Variants in TOX2 observed in about 807,000 individuals in gnomAD.
The protein encoded by TOX2 is TOX high mobility group box family member 2.
TOX2 carries 15 observed loss-of-function variants against 47.4 expected under a neutral mutation model. The ratio of observed to expected loss-of-function variants is 0.32; its 90% CI spans 0.21 to 0.49. TOX2 has a LOEUF of 0.49. TOX2 is among the 20% of genes least tolerant of loss of function. The pLI is 0.99. For synonymous variants in TOX2, 290 were observed against 296.6 expected (o/e 0.98, Z 0.23); for missense variants, 622 against 673.1 (o/e 0.92, Z 0.84).
chr20:44,032,692 G>T (rs2071175049), intron 3 of TOX2, among the ~76,000 whole-genome samples: 1 of 152,168 alleles, frequency 6.6e-6, no homozygotes, highest in South Asian at 2.1e-4. Context: ...TATTGCAGAG[G>T]TGGGGAGCAC....
intron 3 of TOX2, among the ~76,000 whole-genome samples, chr20:44,050,836 AAG>A (rs2071496663): frequency 6.6e-6 from 1 of 152,188 alleles, no homozygotes; most frequent in Non-Finnish European, 1.5e-5. Flanking sequence ...CTGAGGCACA[AAG>A]AGGTTAGGTA....
In TOX2 at chr20:43,958,430, C is replaced by A. The variant is rs143807101; in HGVS notation, c.100-14937C>A. ...CCCCAGCACACATACCGGTTTTCCC[C>A]CAACCTGGCTGCCCAGCCTTTGCTC... is the stretch of plus-strand genomic sequence containing the variant. On this transcript the variant is annotated intron_variant, in intron 1 of 8. Transcript: ENST00000341197. 3.4e-3 allele frequency among the ~76,000 whole-genome samples: 525 copies of A among 152,356 alleles called. 4 individuals are homozygous for A. Among genetic ancestry groups the A allele is most frequent in the Middle Eastern group, 0.014 (4 of 294 alleles).
At chr20:43,967,860 A>G (rs1433154490) in intron 1 of TOX2, among the ~76,000 whole-genome samples, 3 of 152,156 alleles carry the variant, frequency 2.0e-5, no homozygotes, top group Middle Eastern at 3.2e-3. Flanking sequence ...GTATAATTGG[A>G]TTGTCTGCAA....
chr20:44,064,642 GGCTGACTCA>G lies in TOX2; in HGVS notation c.880-131_880-123del. 3 of 779,136 alleles carry G rather than the reference GGCTGACTCA, an allele frequency of 3.9e-6. No homozygotes were observed. The South Asian group carries it at 5.0e-5, about 13-fold the overall frequency. The allele number at this position is 779,136 out of a possible 1,614,324, so 48.3% of individuals were successfully genotyped here. On this transcript the variant is annotated intron_variant, in intron 5 of 8. Coordinates refer to ENST00000341197, the MANE Select transcript of TOX2 (RefSeq NM_001098797.2). ...CGCTCCCAGAAAGGGGCCAGTGGCT[GGCTGACTCA>G]GCTTCTGACCCCACCACCCTCGTCC... is the stretch of plus-strand genomic sequence containing the variant.
chr20:44,009,994 G>A (rs919916868), intron 3 of TOX2, among the ~76,000 whole-genome samples: 6 of 152,134 alleles, frequency 3.9e-5, no homozygotes, highest in Admixed American at 1.3e-4. Flanking sequence ...AATCATAATC[G>A]TACCCACCTG....
intron 1 of TOX2, among the ~76,000 whole-genome samples, chr20:43,947,154 A>G (rs1055974392): frequency 1.7e-4 from 26 of 152,296 alleles, no homozygotes; most frequent in African/African-American, 5.3e-4. Flanking sequence ...TTGAGCACCT[A>G]CTGTATACTG....
chr20:43,956,620 C>T (rs1006968796), intron 1 of TOX2, among the ~76,000 whole-genome samples: 7 of 150,766 alleles, frequency 4.6e-5, no homozygotes, highest in Non-Finnish European at 8.8e-5. Context: ...CCCCAGCACT[C>T]AGAGTAAAAG....
At chr20:44,066,552 C>G (rs187115683) in intron 7 of TOX2, among the ~76,000 whole-genome samples, 178 bp from the exon 8 acceptor site, 31 of 152,322 alleles carry the variant, frequency 2.0e-4, no homozygotes, top group African/African-American at 6.7e-4. Context: ...CTGATTCAGC[C>G]AAGACAAGGG....
intron 2 of TOX2, among the ~76,000 whole-genome samples, chr20:44,003,830 T>G (rs1016089075): frequency 2.0e-5 from 3 of 151,744 alleles, no homozygotes; most frequent in African/African-American, 7.3e-5. Flanking sequence ...AGAGGGGTGG[T>G]GGGGCCAGGC....
chr20:44,059,791 T>C (rs2071684019), intron 5 of TOX2, among the ~76,000 whole-genome samples: 2 of 152,206 alleles, frequency 1.3e-5, no homozygotes, highest in South Asian at 4.1e-4. Context: ...TACACAAAAA[T>C]GGAATCTCCT....
chr20:43,957,496 C>T (rs191360641), intron 1 of TOX2, among the ~76,000 whole-genome samples: 5 of 151,426 alleles, frequency 3.3e-5, no homozygotes, highest in Admixed American at 6.6e-5. Flanking sequence ...CTCCTAGGAC[C>T]GTTGTCAAGA....
chr20:44,038,696 A>G (rs2145711772), intron 3 of TOX2, among the ~76,000 whole-genome samples: 1 of 152,182 alleles, frequency 6.6e-6, no homozygotes, highest in South Asian at 2.1e-4. Flanking sequence ...GTTGAATGAC[A>G]GCTCATTCAG....
At chr20:44,030,000 T>G (rs1352329547) in intron 3 of TOX2, among the ~76,000 whole-genome samples, 1 of 152,092 alleles carries the variant, frequency 6.6e-6, no homozygotes, top group Non-Finnish European at 1.5e-5. Flanking sequence ...GCACCCTCCT[T>G]TATAGGACTC....
chr20:43,926,015 A>G (rs928572793), intron 1 of TOX2, among the ~76,000 whole-genome samples: 2 of 152,132 alleles, frequency 1.3e-5, no homozygotes, highest in African/African-American at 4.8e-5. Flanking sequence ...TGCTTTTTAC[A>G]TTACAGCTAA....
chr20:43,915,470 G>A lies in TOX2; in HGVS notation c.99+480G>A, dbSNP rs1258922333. 6.6e-6 allele frequency among the ~76,000 whole-genome samples: 1 copy of A among 151,980 alleles called. No individual in the cohort carries two copies. Among genetic ancestry groups the A allele is most frequent in the Non-Finnish European group, 1.5e-5 (1 of 67,992 alleles). On this transcript the variant is annotated intron_variant, in intron 1 of 8. Transcript: ENST00000341197. The surrounding 1 kb of genome is among the most constrained non-coding windows in gnomAD (Gnocchi z 7.1). ...CCGCTGTCACACCCAGGCACAACGGGGGACAGTCACACAAAGAAGTCGCCC... is the reference window on the plus strand; with the variant it reads ...CCGCTGTCACACCCAGGCACAACGGAGGACAGTCACACAAAGAAGTCGCCC...
At chr20:43,945,310 T>C (rs2069450293) in intron 1 of TOX2, among the ~76,000 whole-genome samples, 1 of 152,354 alleles carries the variant, frequency 6.6e-6, no homozygotes, top group African/African-American at 2.4e-5. Context: ...TCCTTGACTT[T>C]TTCTTGCAGG....
intron 2 of TOX2, among the ~76,000 whole-genome samples, chr20:43,976,593 A>T (rs950702057): frequency 3.3e-5 from 5 of 152,242 alleles, no homozygotes; most frequent in African/African-American, 1.2e-4. Flanking sequence ...AAACTACCAC[A>T]TGTAGGAAAC....
chr20:43,926,919 A>G (rs1076723), intron 1 of TOX2, among the ~76,000 whole-genome samples: 38,080 of 152,106 alleles, frequency 0.25, 6,742 homozygotes, highest in East Asian at 0.48. Context: ...GCCAGGAGCT[A>G]TTCTCTTTGC....
intron 1 of TOX2, among the ~76,000 whole-genome samples, chr20:43,953,995 A>T (rs779250949): frequency 2.0e-5 from 3 of 152,182 alleles, no homozygotes; most frequent in Non-Finnish European, 2.9e-5. Context: ...ACCTCATGGA[A>T]TCCATCCTCC....
Sources: gnomAD v4.1 joint callset for allele counts (sites outside exome capture counted in the v4.1 genomes callset) on GRCh38, gnomAD v4.1.1 for gene constraint, Gnocchi (gnomAD v3.1) non-coding constraint, MANE v1.5 for transcripts, NCBI Gene and HGNC (gene_info 2026-07-23, HGNC 2026-07-21) for gene names.